PKP2: variants seen among roughly 807,000 people sequenced by gnomAD.
The protein encoded by PKP2 is plakophilin 2, also known as plakophilin-2.
Under a neutral mutation model 83.4 loss-of-function variants are expected in PKP2, and 73 were observed. The ratio of observed to expected loss-of-function variants is 0.88; its 90% CI spans 0.72 to 1.06. The LOEUF is 1.06. Ranked by LOEUF, PKP2 falls within the 50% of genes least tolerant of loss-of-function variation. The probability of loss-of-function intolerance (pLI) is 0.00; values close to 1 mark genes in which losing one functional copy is unlikely to be tolerated. For synonymous variants in PKP2, 409 were observed against 430.4 expected (o/e 0.95, Z 0.62); for missense variants, 966 against 1,065.4 (o/e 0.91, Z 1.30).
At chr12:32,858,072 A>AT (rs1254399224) in intron 4 of PKP2, among the ~76,000 whole-genome samples, 8 of 59,886 alleles carry the variant, frequency 1.3e-4, no homozygotes, top group African/African-American at 6.1e-4. Flanking sequence ...TACAAAAAAA[A>AT]AAAAAAAAAA....
chr12:32,822,675 T>A, intron 7 of PKP2, 44 bp from the exon 8 acceptor site: 1 of 1,595,494 alleles, frequency 6.3e-7, no homozygotes, highest in South Asian at 1.1e-5. Flanking sequence ...CATATAGATA[T>A]CCTTGCAGGT....
At position 32,790,951 on chromosome 12, in the gene PKP2, C is replaced by T. The variant is rs1284303286; in HGVS notation, c.*1473G>A. On this transcript the variant is annotated 3_prime_UTR_variant, in exon 13 of 13. Transcript: ENST00000340811. ...TTTCATTTTGAACTAGGTTAGCAAC[C>T]TAAGTTGTCTTCATTCAGCTTTTAA... The T allele has an allele frequency of 6.6e-6, 1 of 151,846 alleles. No homozygotes were observed. The highest frequency in any genetic ancestry group is 1.5e-5 in the Non-Finnish European group (1 of 67,980). The allele number at this position is 151,846 out of a possible 1,614,324, so 9.4% of individuals were successfully genotyped here.
chr12:32,876,809 C>T (rs577701466), intron 3 of PKP2, among the ~76,000 whole-genome samples: 8 of 152,328 alleles, frequency 5.3e-5, no homozygotes, highest in Non-Finnish European at 1.2e-4. Context: ...GGATTACAGG[C>T]CTGGGCCACT....
chr12:32,813,143 C>CCAAA (rs375502943), intron 9 of PKP2, among the ~76,000 whole-genome samples: 3 of 152,010 alleles, frequency 2.0e-5, no homozygotes, highest in Non-Finnish European at 4.4e-5. Flanking sequence ...CCAATAGTGA[C>CCAAA]CAAACAAACA....
chr12:32,799,173 A>G (rs1297030303), intron 10 of PKP2, among the ~76,000 whole-genome samples: 1 of 152,216 alleles, frequency 6.6e-6, no homozygotes, highest in African/African-American at 2.4e-5. Flanking sequence ...CGCCTCATAC[A>G]TATGAAAAAA....
Position 32,802,514 on chromosome 12 carries a change from C to T in PKP2, c.2056G>A (p.Gly686Ser), listed in dbSNP as rs762243016. The change falls in exon 10 of 13, where the codon GGC becomes AGC. Residue 686 changes from glycine to serine, a missense_variant. By Grantham distance (56) the Gly-to-Ser change is moderately conservative. Transcript: ENST00000340811. Reference protein sequence around the residue: ...VAQTVVQKESGLQHTRKMLHV... With the variant: ...VAQTVVQKESSLQHTRKMLHV... ...AGCATCTTTCGGGTGTGCTGCAGGC[C>T]ACTTTCCTTCTGGACAACTGTCTGA... 6.2e-7 allele frequency: 1 copy of T among 1,614,084 alleles called. No individual in the cohort carries two copies. Among genetic ancestry groups the T allele is most frequent in the South Asian group, 1.1e-5 (1 of 91,084 alleles).
intron 9 of PKP2, among the ~76,000 whole-genome samples, chr12:32,807,860 A>G (rs901138022): frequency 6.6e-6 from 1 of 152,082 alleles, no homozygotes; most frequent in African/African-American, 2.4e-5. Context: ...TTGGCCCCCA[A>G]TCTCTTCTGG....
intron 9 of PKP2, among the ~76,000 whole-genome samples, chr12:32,804,384 G>C (rs1035482873): frequency 2.0e-5 from 3 of 152,248 alleles, no homozygotes; most frequent in African/African-American, 7.2e-5. Context: ...ATGGTGGTTT[G>C]CTGCACAGAT....
At chr12:32,800,071 T>G (rs1352525108) in intron 10 of PKP2, among the ~76,000 whole-genome samples, 1 of 152,236 alleles carries the variant, frequency 6.6e-6, no homozygotes, top group Non-Finnish European at 1.5e-5. Flanking sequence ...CTAACCACTT[T>G]AGACTCTTCT....
chr12:32,870,268 T>C (rs925624306), intron 3 of PKP2, among the ~76,000 whole-genome samples: 14 of 152,028 alleles, frequency 9.2e-5, no homozygotes, highest in Non-Finnish European at 4.4e-5. Context: ...CAGGTGTTAG[T>C]GTGTACAGCC....
chr12:32,841,226 C>A, intron 5 of PKP2, 21 bp from the exon 6 acceptor site: 1 of 1,606,060 alleles, frequency 6.2e-7, no homozygotes, highest in Non-Finnish European at 8.5e-7. Flanking sequence ...ACAGAGTTAC[C>A]ATGAAAACAG....
rs869148477 is a variant in PKP2, at chr12:32,858,084, AATATATAT to A, written c.1171-7119_1171-7112del. Among the ~76,000 whole-genome samples the A allele has an allele frequency of 3.4e-3, 230 of 66,950 alleles. 4 individuals carry two copies. The highest frequency in any genetic ancestry group is 3.9e-3 in the African/African-American group (49 of 12,462). The allele number at this position is 66,950 out of a possible 152,430, so 43.9% of individuals were successfully genotyped here. On this transcript the variant is annotated intron_variant, in intron 4 of 12. Coordinates refer to ENST00000340811, the MANE Select transcript of PKP2 (RefSeq NM_001005242.3). ...CTCTACAAAAAAAAAAAAAAAAAAA[AATATATAT>A]ATATATATATATATATATATATATT...
chr12:32,854,619 T>C (rs1956728975), intron 4 of PKP2, among the ~76,000 whole-genome samples: 2 of 152,182 alleles, frequency 1.3e-5, no homozygotes, highest in African/African-American at 2.4e-5. Flanking sequence ...CCAATTATAC[T>C]GAATCCTCGG....
intron 4 of PKP2, among the ~76,000 whole-genome samples, chr12:32,862,833 T>C (rs1956812769): frequency 6.6e-6 from 1 of 151,504 alleles, no homozygotes; most frequent in Non-Finnish European, 1.5e-5. Context: ...ACCCTACCTC[T>C]ACTAAAAATA....
chr12:32,895,765 C>T (rs1957117181), intron 1 of PKP2, among the ~76,000 whole-genome samples: 1 of 152,200 alleles, frequency 6.6e-6, no homozygotes, highest in Non-Finnish European at 1.5e-5. Flanking sequence ...TGCTTACACC[C>T]CTTTCACCTT....
rs1331162798 is a variant in PKP2, at chr12:32,824,456, T to G, written c.1557-294A>C. 4.1e-5 allele frequency: 16 copies of G among 385,688 alleles called. 1 individual carries two copies. Among genetic ancestry groups the G allele is most frequent in the Non-Finnish European group, 6.4e-5 (13 of 204,464 alleles). The allele number at this position is 385,688 out of a possible 1,614,324, so 23.9% of individuals were successfully genotyped here. A position where few individuals can be genotyped will look rare whatever the true frequency, so the allele number is the denominator to read the frequency against. Reference sequence around the variant, plus strand: ...CTTCACTCCATTTTGAGTGTGGATATGAGGCAAATGTTTTTGCAACTAGAA... The same window carrying G: ...CTTCACTCCATTTTGAGTGTGGATAGGAGGCAAATGTTTTTGCAACTAGAA... On this transcript the variant is annotated intron_variant, in intron 6 of 12. Transcript: ENST00000340811.
At chr12:32,889,674 G>C (rs1397661256) in intron 1 of PKP2, among the ~76,000 whole-genome samples, 1 of 152,166 alleles carries the variant, frequency 6.6e-6, no homozygotes, top group Admixed American at 6.5e-5. Context: ...ACATGCTTTT[G>C]TCTTGGGGTA....
intron 10 of PKP2, among the ~76,000 whole-genome samples, chr12:32,798,349 C>T (rs1956150148): frequency 6.6e-6 from 1 of 151,966 alleles, no homozygotes; most frequent in South Asian, 2.1e-4. Context: ...CCTCAGCCTC[C>T]CAAACTGCTG....
intron 4 of PKP2, among the ~76,000 whole-genome samples, chr12:32,856,320 CTA>C (rs1000303375): frequency 6.6e-6 from 1 of 152,022 alleles, no homozygotes; most frequent in Non-Finnish European, 1.5e-5. Flanking sequence ...AAGCATGAGA[CTA>C]TTAGGAATGG....
Sources: gnomAD v4.1 joint callset for allele counts (sites outside exome capture counted in the v4.1 genomes callset) on GRCh38, gnomAD v4.1.1 for gene constraint, MANE v1.5 for transcripts, NCBI Gene and HGNC (gene_info 2026-07-23, HGNC 2026-07-21) for gene names.